Variants in CHSY3 observed in about 807,000 individuals in gnomAD.
The protein encoded by CHSY3 is N-acetylgalactosaminyl-proteoglycan 3-beta-glucuronosyltransferase 3.
Under a neutral mutation model 67.2 loss-of-function variants are expected in CHSY3, and 35 were observed. The ratio of observed to expected loss-of-function variants is 0.52; its 90% CI spans 0.40 to 0.69. The LOEUF is 0.69. CHSY3 is among the 30% of genes least tolerant of loss of function. The probability of loss-of-function intolerance (pLI) is 0.00; values close to 1 mark genes in which losing one functional copy is unlikely to be tolerated. For synonymous variants in CHSY3, 474 were observed against 434.7 expected (o/e 1.09, Z -1.12); for missense variants, 1,069 against 1,138.5 (o/e 0.94, Z 0.88).
In CHSY3 at chr5:130,037,741, C is replaced by A. The variant is rs373458869; in HGVS notation, c.1086+129381C>A. ...AATTTTTTAAAATGAAAGGAAAGGG[C>A]AATATTCCTCAAAGTGCCTAGTACA... On this transcript the variant is annotated intron_variant, in intron 2 of 2. Transcript: ENST00000305031. 1.1e-4 allele frequency among the ~76,000 whole-genome samples: 17 copies of A among 152,068 alleles called. No homozygotes were observed. The South Asian group carries it at 2.3e-3, about 20-fold the overall frequency.
intron 2 of CHSY3, among the ~76,000 whole-genome samples, chr5:130,027,870 A>G (rs942962240): frequency 2.0e-5 from 3 of 152,096 alleles, no homozygotes; most frequent in Admixed American, 1.3e-4. Context: ...CCAGTCTATC[A>G]TTGATGGACA....
intron 2 of CHSY3, among the ~76,000 whole-genome samples, chr5:129,938,527 G>C (rs918901377): frequency 2.6e-5 from 4 of 152,112 alleles, no homozygotes; most frequent in African/African-American, 9.7e-5. Context: ...CTTTGTTCAT[G>C]CATATGAGCA....
chr5:129,960,745 T>C (rs181945437), intron 2 of CHSY3, among the ~76,000 whole-genome samples: 1 of 152,202 alleles, frequency 6.6e-6, no homozygotes, highest in Admixed American at 6.6e-5. Flanking sequence ...TGCATGCCAT[T>C]GTTTAAAAAG....
At chr5:129,977,809 A>G (rs764546060) in intron 2 of CHSY3, among the ~76,000 whole-genome samples, 11 of 152,214 alleles carry the variant, frequency 7.2e-5, no homozygotes, top group Non-Finnish European at 4.4e-5. Flanking sequence ...ATGTATGGAA[A>G]TATTAAGTCA....
At chr5:129,997,065 A>T (rs1239894685) in intron 2 of CHSY3, among the ~76,000 whole-genome samples, 3 of 152,006 alleles carry the variant, frequency 2.0e-5, no homozygotes, top group Non-Finnish European at 2.9e-5. Flanking sequence ...ACTTTGCAGA[A>T]ACTTCTGATG....
At chr5:130,135,539 A>G (rs1580769554) in intron 2 of CHSY3, among the ~76,000 whole-genome samples, 1 of 152,256 alleles carries the variant, frequency 6.6e-6, no homozygotes, top group East Asian at 1.9e-4. Context: ...TAAAGCCCAC[A>G]CCAGTCATGT....
chr5:129,953,017 C>T (rs1360848098), intron 2 of CHSY3, among the ~76,000 whole-genome samples: 3 of 152,110 alleles, frequency 2.0e-5, no homozygotes, highest in Non-Finnish European at 2.9e-5. Context: ...TTCTGGAATA[C>T]ATGTGCAGAA....
chr5:129,930,768 T>G (rs1166964429), intron 2 of CHSY3, among the ~76,000 whole-genome samples: 1 of 152,058 alleles, frequency 6.6e-6, no homozygotes, highest in African/African-American at 2.4e-5. Flanking sequence ...AGACTACAGA[T>G]GAGATGACAG....
At chr5:130,166,090 C>T (rs1769738652) in intron 2 of CHSY3, among the ~76,000 whole-genome samples, 1 of 152,108 alleles carries the variant, frequency 6.6e-6, no homozygotes, top group South Asian at 2.1e-4. Flanking sequence ...AGCTTTGCTT[C>T]TTTATAAAAT....
intron 2 of CHSY3, among the ~76,000 whole-genome samples, chr5:130,129,809 C>T (rs987285773): frequency 2.0e-5 from 3 of 151,986 alleles, no homozygotes; most frequent in Admixed American, 1.3e-4. Flanking sequence ...ATGGATGAAA[C>T]CACATTGCCT....
At chr5:129,918,964 G>A (rs1452800154) in intron 2 of CHSY3, among the ~76,000 whole-genome samples, 2 of 148,376 alleles carry the variant, frequency 1.3e-5, no homozygotes, top group African/African-American at 2.5e-5. Context: ...AAAATTAGCC[G>A]GGCGCGGTGG....
intron 2 of CHSY3, among the ~76,000 whole-genome samples, chr5:130,174,449 A>G (rs1769985835): frequency 6.6e-6 from 1 of 152,110 alleles, no homozygotes; most frequent in Non-Finnish European, 1.5e-5. Context: ...ATGGCCTCTT[A>G]TTTCTCTTTC....
intron 1 of CHSY3, among the ~76,000 whole-genome samples, chr5:129,906,558 C>CT (rs559692943): frequency 2.0e-5 from 3 of 152,174 alleles, no homozygotes; most frequent in Admixed American, 6.5e-5. Context: ...GAGGCGCGGT[C>CT]TTTTTCCCGG....
At chr5:130,081,558 C>CT (rs1766447741) in intron 2 of CHSY3, among the ~76,000 whole-genome samples, 1 of 152,026 alleles carries the variant, frequency 6.6e-6, no homozygotes. Flanking sequence ...AAATCCACTC[C>CT]TGAATTGTGG....
intron 2 of CHSY3, among the ~76,000 whole-genome samples, chr5:130,107,323 G>A (rs573332506): frequency 2.6e-5 from 4 of 151,284 alleles, no homozygotes; most frequent in East Asian, 3.9e-4. Context: ...TATAGCTAAC[G>A]TTAACAATAG....
chr5:129,926,663 A>G (rs1463063123), intron 2 of CHSY3, among the ~76,000 whole-genome samples: 3 of 151,840 alleles, frequency 2.0e-5, no homozygotes, highest in African/African-American at 7.2e-5. Context: ...ATCAAATTTT[A>G]GCAAGAATGT....
At position 129,905,067 on chromosome 5, in the gene CHSY3, C is replaced by A; in HGVS notation, c.238C>A (p.Arg80Ser). The change falls in exon 1 of 3, where the codon CGC (arginine) becomes AGC (serine). Residue 80 changes from arginine (R) to serine (S), a missense_variant. By Grantham distance (110) the Arg-to-Ser change is moderately radical. Coordinates refer to ENST00000305031, the MANE Select transcript of CHSY3 (RefSeq NM_175856.5). ...PRQEQSPPPA[R>S]QDLQGPPLPE... ...GCAGGAGCAGTCGCCGCCCCCCGCG[C>A]GCCAGGATCTCCAGGGGCCACCGCT... 1 of 1,546,110 alleles carries A rather than the reference C, an allele frequency of 6.5e-7. No homozygotes were observed. The highest frequency in any genetic ancestry group is 8.7e-7 in the Non-Finnish European group (1 of 1,152,256).
intron 2 of CHSY3, among the ~76,000 whole-genome samples, chr5:129,908,938 CA>C (rs2149575011): frequency 6.6e-6 from 1 of 152,088 alleles, no homozygotes; most frequent in Non-Finnish European, 1.5e-5. Context: ...CTTAGGCATA[CA>C]AAAGGAATGA....
chr5:130,137,963 T>G (rs1768719941), intron 2 of CHSY3, among the ~76,000 whole-genome samples: 2 of 152,142 alleles, frequency 1.3e-5, no homozygotes, highest in Non-Finnish European at 2.9e-5. Flanking sequence ...TAATGTGAAA[T>G]TTTTTGATTT....
Sources: gnomAD v4.1 joint callset for allele counts (sites outside exome capture counted in the v4.1 genomes callset) on GRCh38, gnomAD v4.1.1 for gene constraint, MANE v1.5 for transcripts, NCBI Gene and HGNC (gene_info 2026-07-23, HGNC 2026-07-21) for gene names.